The following PLAAT2 variants were observed in gnomAD, a reference collection of about 807,000 sequenced individuals.
PLAAT2 encodes the protein HRAS like suppressor 2.
A neutral mutation model predicts 12.8 loss-of-function variants in PLAAT2; 12 were observed. That is an observed-to-expected ratio of 0.94 (90% CI 0.60 to 1.52). The LOEUF (loss-of-function observed/expected upper bound fraction) is 1.52. Among genes scored for constraint, PLAAT2 ranks in the 40% most tolerant of loss-of-function variants. PLAAT2 has a pLI of 0.00. For missense variants in PLAAT2, 166 were observed against 208.1 expected, an observed-to-expected ratio of 0.80 and a Z score of 1.24; for synonymous variants, 79 against 86.8, an observed-to-expected ratio of 0.91 and a Z score of 0.50.
chr11:63,556,205 G>C (rs1490827920), intron 3 of PLAAT2, among the ~76,000 whole-genome samples: 1 of 152,190 alleles, frequency 6.6e-6, no homozygotes, highest in Non-Finnish European at 1.5e-5. Context: ...GACAGAGTCA[G>C]ATGAGAAGGA....
chr11:63,559,288 G>T (rs1161905250), intron 2 of PLAAT2, among the ~76,000 whole-genome samples: 1 of 152,186 alleles, frequency 6.6e-6, no homozygotes, highest in East Asian at 1.9e-4. Context: ...GGGCAGCAGA[G>T]TGACACCTTG....
chr11:63,557,047 T>A (rs1447586067), intron 3 of PLAAT2, among the ~76,000 whole-genome samples: 5 of 152,204 alleles, frequency 3.3e-5, no homozygotes. Flanking sequence ...CTATTTAAAC[T>A]ACACGGAAGA....
At chr11:63,563,634 C>T (rs942749855), upstream of PLAAT2, among the ~76,000 whole-genome samples, 3 of 146,286 alleles carry the variant, frequency 2.1e-5, no homozygotes, top group African/African-American at 7.6e-5. Flanking sequence ...CAGGAAATGG[C>T]GTCAACCCAG....
chr11:63,553,033 T>G lies in PLAAT2; in HGVS notation c.420A>C (p.Ala140=). The change falls in exon 4 of 4, where the codon GCA becomes GCC. Residue 140 remains alanine, a synonymous_variant. Transcript: ENST00000255695. The part of the protein sequence containing the change: ...VTGAVTTVGV[A]AGLLAAASLV... ...GGCTTGCGGCAGCCAGCAGGCCTGC[T>G]GCCACACCTACTGTCGTGACTGCAC... 1 of 1,613,818 alleles carries G rather than the reference T, an allele frequency of 6.2e-7. No individual in the cohort carries two copies. Among genetic ancestry groups the G allele is most frequent in the Non-Finnish European group, 8.5e-7 (1 of 1,179,830 alleles).
chr11:63,561,240 T>C (rs527359437), intron 1 of PLAAT2, among the ~76,000 whole-genome samples: 58 of 152,332 alleles, frequency 3.8e-4, no homozygotes, highest in Admixed American at 3.3e-3. Context: ...AAACATCCTA[T>C]GTTCTCACTC....
At position 63,553,022 on chromosome 11, in the gene PLAAT2, A is replaced by C. The variant is rs1590668116; in HGVS notation, c.431T>G (p.Leu144Arg). ...VTTVGVAAGL[L>R]AAASLVGILL... ...GATCCCCACAAGGCTTGCGGCAGCC[A>C]GCAGGCCTGCTGCCACACCTACTGT... The change falls in exon 4 of 4, where the codon CTG becomes CGG. Residue 144 changes from leucine to arginine, a missense_variant. By Grantham distance (102) the Leu-to-Arg change is moderately radical. Transcript: ENST00000255695. 1 of 1,613,888 alleles carries C rather than the reference A, an allele frequency of 6.2e-7. No individual in the cohort carries two copies. The highest frequency in any genetic ancestry group is 8.5e-7 in the Non-Finnish European group (1 of 1,179,880).
rs919386510 is a variant in PLAAT2 at position 63,558,680 on chromosome 11, A to G, written c.119-20T>C. The G allele has an allele frequency of 7.4e-6, 12 of 1,612,572 alleles. No individual in the cohort carries two copies. The highest frequency in any genetic ancestry group is 2.7e-5 in the African/African-American group (2 of 74,918). ...TTTCACCTGTGCAAACAGTGAGTTC[A>G]GTCCTGGGCAGGGCCTGGGGGGCTC... On this transcript the variant is annotated intron_variant, in intron 2 of 3. Coordinates refer to ENST00000255695, the MANE Select transcript of PLAAT2 (RefSeq NM_017878.2).
At position 63,552,928 on chromosome 11, in the gene PLAAT2, G is replaced by T. The variant is rs201005693; in HGVS notation, c.*36C>A. On this transcript the variant is annotated 3_prime_UTR_variant, in exon 4 of 4. Coordinates refer to ENST00000255695, the MANE Select transcript of PLAAT2 (RefSeq NM_017878.2). The stretch of plus-strand genomic sequence containing the variant: ...CCTGCTGGCTAAATAATATTCCTCC[G>T]TAAGAATTGGTGGTTGTTGGGACAA... 3 of 1,374,674 alleles carry T rather than the reference G, an allele frequency of 2.2e-6. No individual in the cohort carries two copies. Among genetic ancestry groups the T allele is most frequent in the Non-Finnish European group, 3.1e-6 (3 of 962,692 alleles). The allele number at this position is 1,374,674 out of a possible 1,614,324, so 85.2% of individuals were successfully genotyped here.
At chr11:63,563,213 C>A in intron 1 of PLAAT2, 103 bp downstream of exon 1, 1 of 1,348,386 alleles carries the variant, frequency 7.4e-7, no homozygotes, top group Non-Finnish European at 1.1e-6. Context: ...TGCCCATGTG[C>A]CCTCCATGCC....
chr11:63,562,056 G>A (rs1465819011), intron 1 of PLAAT2, among the ~76,000 whole-genome samples: 2 of 152,108 alleles, frequency 1.3e-5, no homozygotes, highest in African/African-American at 2.4e-5. Context: ...TTGTCCTCAC[G>A]GAATGCAATT....
At chr11:63,553,575 A>G (rs2017437966) in intron 3 of PLAAT2, among the ~76,000 whole-genome samples, 1 of 152,128 alleles carries the variant, frequency 6.6e-6, no homozygotes, top group Admixed American at 6.5e-5. Flanking sequence ...ACTTGAGCCC[A>G]GGAGGCGGAG....
At chr11:63,557,996 C>T (rs2017480736) in intron 3 of PLAAT2, among the ~76,000 whole-genome samples, 1 of 152,184 alleles carries the variant, frequency 6.6e-6, no homozygotes, top group East Asian at 1.9e-4. Flanking sequence ...TTAACTCCCC[C>T]GCTCTTCACC....
intron 2 of PLAAT2, 120 bp from the exon 3 acceptor site, chr11:63,558,780 C>T: frequency 7.3e-6 from 9 of 1,226,048 alleles, no homozygotes; most frequent in Non-Finnish European, 1.0e-5. Flanking sequence ...CTTGTCCATC[C>T]TGCCTGGCCT....
chr11:63,555,220 T>C (rs1165029414), intron 3 of PLAAT2, among the ~76,000 whole-genome samples: 35 of 152,154 alleles, frequency 2.3e-4, no homozygotes, highest in Admixed American at 2.3e-3. Context: ...CTCAGGTCCT[T>C]GAGGAAGGCA....
intron 3 of PLAAT2, 43 bp downstream of exon 3, chr11:63,558,349 A>G: frequency 6.2e-7 from 1 of 1,601,120 alleles, no homozygotes; most frequent in Non-Finnish European, 8.5e-7. Flanking sequence ...CAGCTGAGGG[A>G]GTGGCCTGGC....
chr11:63,553,114 C>G lies in PLAAT2; in HGVS notation c.388-49G>C, dbSNP rs1025588170. 7.0e-6 allele frequency: 8 copies of G among 1,151,070 alleles called. No individual in the cohort carries two copies. The Admixed American group carries it at 1.4e-4, about 20-fold the overall frequency. 71.3% of individuals were successfully genotyped at this position (1,151,070 alleles called of 1,614,324 possible). On this transcript the variant is annotated intron_variant, in intron 3 of 3. Transcript: ENST00000255695. Reference sequence around the variant, plus strand: ...CACACTCAGCATCAGGGCGGGACCACGATACATACACCAGGAAACTACAGC... The same window carrying G: ...CACACTCAGCATCAGGGCGGGACCAGGATACATACACCAGGAAACTACAGC...
chr11:63,553,126 C>T (rs2017433168), intron 3 of PLAAT2, 61 bp from the exon 4 acceptor site: 2 of 971,252 alleles, frequency 2.1e-6, no homozygotes, highest in Non-Finnish European at 3.3e-6. Flanking sequence ...ATACATACAC[C>T]AGGAAACTAC....
intron 1 of PLAAT2, among the ~76,000 whole-genome samples, chr11:63,560,662 C>T (rs1339514351): frequency 6.6e-6 from 1 of 152,230 alleles, no homozygotes; most frequent in African/African-American, 2.4e-5. Flanking sequence ...CAGGCGGACA[C>T]TTGACCCACA....
chr11:63,556,715 T>C (rs1445593733), intron 3 of PLAAT2, among the ~76,000 whole-genome samples: 1 of 152,150 alleles, frequency 6.6e-6, no homozygotes, highest in East Asian at 1.9e-4. Context: ...CCTTCTCCTA[T>C]CATACAACAG....
Sources: allele counts gnomAD v4.1 joint callset (sites outside exome capture counted in the v4.1 genomes callset), GRCh38; gene constraint gnomAD v4.1.1; transcripts MANE v1.5; gene names NCBI Gene and HGNC (gene_info 2026-07-23, HGNC 2026-07-21).